The following MAP4 variants were observed in gnomAD, a reference collection of about 807,000 sequenced individuals.
MAP4 encodes the protein microtubule-associated protein 4.
MAP4 carries 76 observed loss-of-function variants against 170.2 expected under a neutral mutation model. The observed-to-expected ratio is 0.45, with a 90% CI of 0.37 to 0.54. The LOEUF is 0.54. Among genes scored for constraint, MAP4 ranks in the 20% least tolerant of loss-of-function variants. MAP4 has a pLI of 0.00. For synonymous variants in MAP4, 909 were observed against 994.5 expected, an observed-to-expected ratio of 0.91 and a Z score of 1.62; for missense variants, 2,506 against 2,748.0, an observed-to-expected ratio of 0.91 and a Z score of 1.97.
intron 1 of MAP4, among the ~76,000 whole-genome samples, chr3:48,072,478 G>A (rs1297718877): frequency 6.6e-6 from 1 of 152,130 alleles, no homozygotes; most frequent in Admixed American, 6.6e-5. Flanking sequence ...TCCAGCCTGG[G>A]CAACAGAGTG....
rs1357061953 is a variant in MAP4, at chr3:47,992,885, CAG to C, written c.223+5751_223+5752del. On this transcript the variant is annotated intron_variant, in intron 2 of 20. Transcript: ENST00000683076. ...TGCCACCGCACTCCAGCCTGGGTGA[CAG>C]AGAGACACTCCATCTTAAAAAAAAA... Among the ~76,000 whole-genome samples, 6 of 139,838 alleles carry C rather than the reference CAG, an allele frequency of 4.3e-5. 1 individual carries two copies. The highest frequency in any genetic ancestry group is 1.6e-4 in the African/African-American group (6 of 36,918). 91.7% of individuals were successfully genotyped at this position (139,838 alleles called of 152,430 possible). A position where few individuals can be genotyped will look rare whatever the true frequency, so the allele number is the denominator to read the frequency against.
intron 7 of MAP4, among the ~76,000 whole-genome samples, chr3:47,915,644 G>T (rs556887211): frequency 6.6e-6 from 1 of 152,310 alleles, no homozygotes; most frequent in East Asian, 1.9e-4. Context: ...TTCATAAGCA[G>T]AGACCATGGA....
At chr3:48,067,947 G>A (rs2100139093) in intron 1 of MAP4, among the ~76,000 whole-genome samples, 1 of 151,986 alleles carries the variant, frequency 6.6e-6, no homozygotes, top group East Asian at 1.9e-4. Flanking sequence ...GCCCAGAGAA[G>A]CATTTTTTTA....
chr3:47,861,776 T>C (rs1576684808), intron 17 of MAP4, among the ~76,000 whole-genome samples: 1 of 152,012 alleles, frequency 6.6e-6, no homozygotes, highest in Non-Finnish European at 1.5e-5. Context: ...GGAGAATTGA[T>C]TGAGCCCAGA....
intron 3 of MAP4, 41 bp downstream of exon 3, chr3:47,977,824 T>A: frequency 7.5e-7 from 1 of 1,327,942 alleles, no homozygotes; most frequent in Non-Finnish European, 1.1e-6. Context: ...TCATTGTAAG[T>A]GCATCACCTA....
At chr3:47,942,637 G>GT (rs2100057233) in intron 3 of MAP4, among the ~76,000 whole-genome samples, 1 of 152,124 alleles carries the variant, frequency 6.6e-6, no homozygotes, top group Admixed American at 6.6e-5. Flanking sequence ...GACATTGTAA[G>GT]TAACACATGT....
chr3:47,881,406 C>G (rs1392457149), intron 10 of MAP4, among the ~76,000 whole-genome samples: 1 of 134,820 alleles, frequency 7.4e-6, no homozygotes, highest in African/African-American at 2.8e-5. Context: ...GAGCTATGAT[C>G]AGGCCACTGC....
intron 3 of MAP4, among the ~76,000 whole-genome samples, chr3:47,954,467 A>C (rs190349242): frequency 6.6e-6 from 1 of 152,332 alleles, no homozygotes; most frequent in East Asian, 1.9e-4. Flanking sequence ...CAACTGAAAA[A>C]AACTCCAGCT....
At chr3:47,908,996 A>G in intron 9 of MAP4, 42 bp downstream of exon 9, 1 of 1,569,044 alleles carries the variant, frequency 6.4e-7, no homozygotes, top group South Asian at 1.2e-5. Flanking sequence ...ATGCTGACTC[A>G]AAAGCCACAA....
In MAP4 at chr3:47,909,110, G is replaced by A. The variant is rs370084931; in HGVS notation, c.5311C>T (p.Arg1771Ter). The A allele has an allele frequency of 1.2e-5, 20 of 1,613,694 alleles. No individual in the cohort carries two copies. Among genetic ancestry groups the A allele is most frequent in the Non-Finnish European group, 1.5e-5 (18 of 1,179,774 alleles). ...TTTGGCAAAAGTGGAGTAAGTCCTC[G>A]GGACTTGGTGGGTCTCATGTAGCCT... ...MKGYMRPTKS[R>*]GLTPLLPKST... Residue 1771 changes from arginine to a stop codon, truncating the protein, a stop_gained, in exon 9 of 21, where the codon CGA (arginine) becomes TGA (stop). Coordinates refer to ENST00000683076, the MANE Select transcript of MAP4 (RefSeq NM_001385682.1). LOFTEE classifies it high-confidence loss of function.
intron 10 of MAP4, among the ~76,000 whole-genome samples, chr3:47,896,088 C>T (rs2100026674): frequency 6.6e-6 from 1 of 152,080 alleles, no homozygotes; most frequent in Non-Finnish European, 1.5e-5. Context: ...GGTGCTCAGG[C>T]ATACAGATAA....
chr3:48,050,222 T>C (rs1579565040), intron 1 of MAP4, among the ~76,000 whole-genome samples: 3 of 146,366 alleles, frequency 2.0e-5, no homozygotes, highest in African/African-American at 2.6e-5. Context: ...ATGACACTAC[T>C]GCACTCCAGC....
intron 9 of MAP4, among the ~76,000 whole-genome samples, chr3:47,903,612 G>A (rs2100031355): frequency 6.6e-6 from 1 of 151,804 alleles, no homozygotes; most frequent in Non-Finnish European, 1.5e-5. Context: ...TTCCCTGCCT[G>A]GAAGAACATG....
intron 16 of MAP4, among the ~76,000 whole-genome samples, chr3:47,868,753 A>G (rs2085220269): frequency 6.6e-6 from 1 of 152,164 alleles, no homozygotes; most frequent in South Asian, 2.1e-4. Flanking sequence ...ACCAGGACAA[A>G]TGAAGTTATC....
At chr3:48,053,731 A>G (rs1477065606) in intron 1 of MAP4, among the ~76,000 whole-genome samples, 1 of 152,156 alleles carries the variant, frequency 6.6e-6, no homozygotes, top group African/African-American at 2.4e-5. Flanking sequence ...GGAGTAACAC[A>G]TATTGATGAT....
chr3:47,989,840 A>G (rs1044406577), intron 2 of MAP4, among the ~76,000 whole-genome samples: 4 of 152,018 alleles, frequency 2.6e-5, no homozygotes, highest in African/African-American at 7.3e-5. Flanking sequence ...TCCCCAGAGA[A>G]CCCCCATTTC....
chr3:47,921,097 G>A (rs1164502303), intron 5 of MAP4, among the ~76,000 whole-genome samples: 4 of 152,238 alleles, frequency 2.6e-5, no homozygotes, highest in African/African-American at 9.6e-5. Flanking sequence ...GCAGTGGGCC[G>A]TGATCGCATC....
Position 47,983,373 on chromosome 3 carries a change from C to CTTAT in MAP4, c.224-5444_224-5441dup, listed in dbSNP as rs559313125. Among the ~76,000 whole-genome samples the CTTAT allele has an allele frequency of 2.6e-3, 401 of 151,740 alleles. 1 individual carries two copies. The highest frequency in any genetic ancestry group is 5.8e-3 in the African/African-American group (241 of 41,370). On this transcript the variant is annotated intron_variant, in intron 2 of 20. Transcript: ENST00000683076. ...AACAGGTGTGCACCGCCACAGTTGG[C>CTTAT]TTATTTATTTATTTATTTATTTATT...
At chr3:48,003,467 A>C (rs1409995948) in intron 1 of MAP4, among the ~76,000 whole-genome samples, 2 of 151,974 alleles carry the variant, frequency 1.3e-5, no homozygotes, top group Non-Finnish European at 2.9e-5. Context: ...AAAAAAAAAA[A>C]AAAAAACATA....
Sources: gnomAD v4.1 joint callset for allele counts (sites outside exome capture counted in the v4.1 genomes callset) on GRCh38, gnomAD v4.1.1 for gene constraint, MANE v1.5 for transcripts, NCBI Gene and HGNC (gene_info 2026-07-23, HGNC 2026-07-21) for gene names.